The following DMD variants were observed in gnomAD, a reference collection of about 807,000 sequenced individuals.
DMD encodes dystrophin.
Under a neutral mutation model 330.1 loss-of-function variants are expected in DMD, and 63 were observed. The ratio of observed to expected loss-of-function variants is 0.19; its 90% confidence interval spans 0.16 to 0.24. DMD has a LOEUF of 0.24. DMD is among the 10% of genes least tolerant of loss of function. The pLI is 1.00. For missense variants in DMD, 3,344 were observed against 2,684.1 expected (o/e 1.25, Z -5.43); for synonymous variants, 1,223 against 959.8 (o/e 1.27, Z -5.07).
intron 1 of DMD, among the ~76,000 whole-genome samples, chrX:33,076,835 C>T (rs1169016301): frequency 3.6e-5 from 4 of 111,534 alleles, no homozygotes; most frequent in East Asian, 2.8e-4. Flanking sequence ...GAGTAACTCC[C>T]TCAGAGCCAG....
chrX:32,633,039 T>C (rs1337626169), intron 11 of DMD, among the ~76,000 whole-genome samples: 1 of 112,420 alleles, frequency 8.9e-6, no homozygotes. Context: ...TGAAAACCTT[T>C]ATGGTCTGCT....
intron 2 of DMD, among the ~76,000 whole-genome samples, chrX:32,944,793 G>A (rs1447185084): frequency 4.6e-5 from 5 of 109,310 alleles, no homozygotes; most frequent in Non-Finnish European, 9.5e-5. Context: ...TTAAGTAGAG[G>A]CTGGGTTTCA....
intron 7 of DMD, among the ~76,000 whole-genome samples, chrX:32,706,237 G>T (rs1216427309): frequency 1.7e-5 from 1 of 57,556 alleles, no homozygotes; most frequent in East Asian, 7.6e-4. Context: ...GGGGTGGGGG[G>T]AGTGGGGAGG....
chrX:32,028,246 C>T (rs2095860551), intron 44 of DMD, among the ~76,000 whole-genome samples: 1 of 111,162 alleles, frequency 9.0e-6, no homozygotes, highest in Admixed American at 9.6e-5. Context: ...GAACCCCGCT[C>T]GATGGTAGGG....
intron 1 of DMD, among the ~76,000 whole-genome samples, chrX:33,333,682 T>C (rs2054211413): frequency 1.8e-5 from 2 of 111,278 alleles, no homozygotes; most frequent in African/African-American, 3.3e-5. Flanking sequence ...GCTTTATGCT[T>C]AGAATTTGAT....
chrX:32,468,583 T>C lies in DMD; in HGVS notation c.3077A>G (p.Glu1026Gly), dbSNP rs777817851. 6.0e-5 allele frequency: 73 copies of C among 1,209,154 alleles called. 1 individual carries two copies. The South Asian group carries it at 1.2e-3, about 19-fold the overall frequency. ...RKYQSEFEEI[E>G]GRWKKLSSQL... is the part of the protein sequence containing the mutation. ...GGAGGAGAGCTTCTTCCAGCGTCCC[T>C]CAATTTCTTCAAATTCTGATTGATA... The change falls in exon 23 of 79, where the codon GAG (glutamate) becomes GGG (glycine). Residue 1026 changes from glutamate (E) to glycine (G), a missense_variant. Coordinates refer to ENST00000357033, the MANE Select transcript of DMD (RefSeq NM_004006.3).
At chrX:32,259,488 C>G (rs57574313) in intron 43 of DMD, among the ~76,000 whole-genome samples, 1 of 110,579 alleles carries the variant, frequency 9.0e-6, no homozygotes, top group Non-Finnish European at 1.9e-5. Context: ...TAAAAATTCA[C>G]TTAAACATAT....
At chrX:31,368,292 T>C (rs994182207) in intron 60 of DMD, among the ~76,000 whole-genome samples, 8 of 112,579 alleles carry the variant, frequency 7.1e-5, no homozygotes, top group South Asian at 3.7e-4. Context: ...GAAAAACTTC[T>C]TGTTTCCTTT....
chrX:31,120,176 A>C lies in DMD; in HGVS notation c.*1743T>G, dbSNP rs1246966240. On this transcript the variant is annotated 3_prime_UTR_variant, in exon 79 of 79. Transcript: ENST00000357033. ...TATCTATTGAATGAATGATTTAAAAATCAAAAAGAAATAAAATGGCATGAA... is the reference window on the plus strand; with the variant it reads ...TATCTATTGAATGAATGATTTAAAACTCAAAAAGAAATAAAATGGCATGAA... 8.9e-6 allele frequency: 1 copy of C among 111,760 alleles called. No homozygotes were observed. The highest frequency in any genetic ancestry group is 1.9e-5 in the Non-Finnish European group (1 of 52,879). 9.2% of individuals were successfully genotyped at this position (111,760 alleles called of 1,213,427 possible).
chrX:31,851,560 A>G (rs1016435116), intron 48 of DMD, among the ~76,000 whole-genome samples: 1 of 111,767 alleles, frequency 8.9e-6, no homozygotes, highest in Non-Finnish European at 1.9e-5. Context: ...ATGAAATATT[A>G]CCAAAACTCT....
At chrX:32,650,540 G>C (rs769477415) in intron 9 of DMD, among the ~76,000 whole-genome samples, 4 of 111,509 alleles carry the variant, frequency 3.6e-5, no homozygotes, top group Non-Finnish European at 5.6e-5. Flanking sequence ...TTAGTACCTG[G>C]AAATATTCTT....
chrX:32,548,121 G>A (rs1475623134), intron 16 of DMD, among the ~76,000 whole-genome samples: 3 of 111,377 alleles, frequency 2.7e-5, no homozygotes, highest in Non-Finnish European at 5.7e-5. Flanking sequence ...AAGTTATTCA[G>A]CAGCTGAACC....
intron 60 of DMD, among the ~76,000 whole-genome samples, chrX:31,443,039 T>C (rs1485122671): frequency 9.0e-6 from 1 of 111,336 alleles, no homozygotes; most frequent in African/African-American, 3.3e-5. Context: ...GGACTGACAA[T>C]AGGAAAGTGA....
At chrX:32,734,651 C>T (rs1392522118) in intron 7 of DMD, among the ~76,000 whole-genome samples, 1 of 107,971 alleles carries the variant, frequency 9.3e-6, no homozygotes, top group African/African-American at 3.5e-5. Flanking sequence ...TAAACAGAGC[C>T]AAAGACAAAA....
intron 1 of DMD, among the ~76,000 whole-genome samples, chrX:33,032,718 A>G (rs1017415286): frequency 8.9e-6 from 1 of 112,546 alleles, no homozygotes; most frequent in African/African-American, 3.2e-5. Context: ...TCAATGTAGA[A>G]AACAATTTAA....
At chrX:32,584,571 T>C (rs751087552) in intron 13 of DMD, among the ~76,000 whole-genome samples, 2 of 112,355 alleles carry the variant, frequency 1.8e-5, no homozygotes, top group African/African-American at 6.5e-5. Flanking sequence ...TCATACAAAG[T>C]AATTCTATCC....
chrX:32,504,764 G>T (rs2044447413), intron 18 of DMD, among the ~76,000 whole-genome samples: 1 of 111,547 alleles, frequency 9.0e-6, no homozygotes, highest in African/African-American at 3.3e-5. Context: ...CTAGAGTGGG[G>T]AGGGAGTGAG....
intron 57 of DMD, among the ~76,000 whole-genome samples, chrX:31,495,751 C>G (rs1226357305): frequency 1.8e-5 from 2 of 111,635 alleles, no homozygotes; most frequent in East Asian, 5.6e-4. Context: ...AGGCAATTAT[C>G]ACACTGCAAC....
At chrX:31,790,974 A>C (rs1031452809) in intron 50 of DMD, among the ~76,000 whole-genome samples, 1 of 112,086 alleles carries the variant, frequency 8.9e-6, no homozygotes, top group African/African-American at 3.2e-5. Flanking sequence ...TCACTTAAAA[A>C]ATGTCTACTA....
Sources: allele counts gnomAD v4.1 joint callset (sites outside exome capture counted in the v4.1 genomes callset), GRCh38; gene constraint gnomAD v4.1.1; transcripts MANE v1.5; gene names NCBI Gene and HGNC (gene_info 2026-07-23, HGNC 2026-07-21).